ESCO2: variants seen among roughly 807,000 people sequenced by gnomAD.
ESCO2 encodes the protein establishment of sister chromatid cohesion N-acetyltransferase 2, also known as N-acetyltransferase ESCO2.
ESCO2 carries 51 observed loss-of-function variants against 61.7 expected under a neutral mutation model. That is an observed-to-expected ratio of 0.83 (90% CI 0.66 to 1.04). The LOEUF (loss-of-function observed/expected upper bound fraction) is 1.04. ESCO2 is among the 50% of genes least tolerant of loss of function. The pLI is 0.00. For synonymous variants in ESCO2, 230 were observed against 238.2 expected (o/e 0.97, Z 0.32); for missense variants, 692 against 686.2 (o/e 1.01, Z -0.09).
chr8:27,801,908 A>T (rs1256767017), intron 10 of ESCO2, among the ~76,000 whole-genome samples: 1 of 150,194 alleles, frequency 6.7e-6, no homozygotes, highest in Non-Finnish European at 1.5e-5. Flanking sequence ...TATTGATGTA[A>T]TGCTTTTATT....
At chr8:27,810,257 TG>T, downstream of ESCO2, 1 of 1,245,824 alleles carries the variant, frequency 8.0e-7, no homozygotes, top group Admixed American at 1.9e-5. Context: ...GTAAATATTT[TG>T]GAATAAACAG....
chr8:27,774,075 A>G (rs1804719491), upstream of ESCO2, among the ~76,000 whole-genome samples: 1 of 152,262 alleles, frequency 6.6e-6, no homozygotes. Context: ...TTGAAAAATA[A>G]ATAGAAACCT....
chr8:27,776,243 G>A (rs1215219706), intron 2 of ESCO2, 119 bp from the exon 3 acceptor site: 1 of 744,588 alleles, frequency 1.3e-6, no homozygotes, highest in Non-Finnish European at 2.2e-6. Context: ...AAAATTGTGT[G>A]TATGGGGGGT....
chr8:27,811,008 A>G, downstream of ESCO2: 1 of 1,612,694 alleles, frequency 6.2e-7, no homozygotes, highest in African/African-American at 1.3e-5. Flanking sequence ...CGATAAAGTC[A>G]TCATTTCCCA....
chr8:27,772,329 A>T (rs1011111005), upstream of ESCO2, among the ~76,000 whole-genome samples: 1 of 152,138 alleles, frequency 6.6e-6, no homozygotes, highest in Admixed American at 6.5e-5. Context: ...TGACGAGGGG[A>T]CGCCGGGGGA....
chr8:27,819,200 C>G, the ESCO2 span, among the ~76,000 whole-genome samples: 1 of 152,106 alleles, frequency 6.6e-6, no homozygotes, highest in Non-Finnish European at 1.5e-5. Flanking sequence ...AGAGGAACTT[C>G]AGATTAATTC....
chr8:27,776,677 A>C lies in ESCO2; in HGVS notation c.369A>C (p.Thr123=). 1 of 1,613,870 alleles carries C rather than the reference A, an allele frequency of 6.2e-7. No individual in the cohort carries two copies. Among genetic ancestry groups the C allele is most frequent in the Non-Finnish European group, 8.5e-7 (1 of 1,180,024 alleles). The change falls in exon 3 of 11, where the codon ACA becomes ACC. Residue 123 remains threonine (T), a synonymous_variant. Coordinates refer to ENST00000305188, the MANE Select transcript of ESCO2 (RefSeq NM_001017420.3). ...AAGATAAATCTTTTCCCATTGTGACAGAAAAAATGCAAGGAAAACCAGTCT... is the reference window on the plus strand; with the variant it reads ...AAGATAAATCTTTTCCCATTGTGACCGAAAAAATGCAAGGAAAACCAGTCT... ...NDEDKSFPIV[T]EKMQGKPVCS... is the part of the protein sequence containing the mutation.
chr8:27,781,561 CTTT>C (rs67899310), intron 4 of ESCO2, among the ~76,000 whole-genome samples: 2 of 136,524 alleles, frequency 1.5e-5, no homozygotes, highest in Admixed American at 7.4e-5. Flanking sequence ...TTGGTATAGA[CTTT>C]TTTTTTTTTT....
At chr8:27,817,038 TAGAA>T (rs926007155), downstream of ESCO2, among the ~76,000 whole-genome samples, 1 of 152,144 alleles carries the variant, frequency 6.6e-6, no homozygotes. Context: ...ATCTCACAAA[TAGAA>T]AGCCTTTGCC....
downstream of ESCO2, among the ~76,000 whole-genome samples, chr8:27,814,440 G>A (rs1805771722): frequency 6.6e-6 from 1 of 151,934 alleles, no homozygotes; most frequent in African/African-American, 2.4e-5. Context: ...TCTAGATAAA[G>A]CTTTATATAT....
chr8:27,777,053 G>C lies in ESCO2; in HGVS notation c.745G>C (p.Val249Leu), dbSNP rs755441204. The C allele has an allele frequency of 2.5e-6, 4 of 1,608,182 alleles. No individual in the cohort carries two copies. Among genetic ancestry groups the C allele is most frequent in the Non-Finnish European group, 3.4e-6 (4 of 1,178,730 alleles). The stretch of plus-strand genomic sequence containing the variant: ...CATTGAAGATTCTGATGTAGAGACT[G>C]TCAGTGAAAAAAAAACTTTTGCGAC... Reference protein sequence around the residue: ...EVIEDSDVETVSEKKTFATRQ... With the variant: ...EVIEDSDVETLSEKKTFATRQ... Residue 249 changes from valine to leucine, a missense_variant, in exon 3 of 11, where the codon GTC becomes CTC. Physicochemically the swap from Val to Leu is conservative, Grantham distance 32 (BLOSUM62 1). Transcript: ENST00000305188.
At chr8:27,815,170 A>C (rs1049469658), downstream of ESCO2, among the ~76,000 whole-genome samples, 17 of 151,862 alleles carry the variant, frequency 1.1e-4, no homozygotes, top group Non-Finnish European at 1.8e-4. Flanking sequence ...AAAGAGGATG[A>C]AACTAACATT....
chr8:27,796,417 A>G (rs915161394), intron 9 of ESCO2, among the ~76,000 whole-genome samples: 1 of 152,004 alleles, frequency 6.6e-6, no homozygotes, highest in Non-Finnish European at 1.5e-5. Flanking sequence ...TGTTTAATTT[A>G]TCTCCACTGA....
At chr8:27,808,272 CT>C, downstream of ESCO2, 2 of 1,155,448 alleles carry the variant, frequency 1.7e-6, no homozygotes, top group Non-Finnish European at 2.2e-6. Flanking sequence ...TGATTATCTC[CT>C]TTTATGGAGG....
In ESCO2 at chr8:27,775,871, C is replaced by T. The variant is rs12335307; in HGVS notation, c.53+304C>T. ...AGGAAATATACCAAATCAGCTATTA[C>T]CTTTTTCCTTTCTGTTCCCCTATAA... On this transcript the variant is annotated intron_variant, in intron 2 of 10. Transcript: ENST00000305188. 0.14 allele frequency among the ~76,000 whole-genome samples: 21,257 copies of T among 152,062 alleles called. 1,790 individuals are homozygous for T. The highest frequency in any genetic ancestry group is 0.34 in the East Asian group (1,743 of 5,166).
downstream of ESCO2, among the ~76,000 whole-genome samples, chr8:27,813,353 C>T (rs1046858969): frequency 1.1e-4 from 16 of 152,006 alleles, no homozygotes; most frequent in African/African-American, 3.4e-4. Context: ...AGGAGAAATA[C>T]CTAATGTAAA....
rs544648513 is a variant in ESCO2, at chr8:27,803,805, T to G, written c.*367T>G. ...TGACCTGGTCTTTTATAAAGCCCACTCTTAGACCAGGATTATCTAATGCCA... is the reference window on the plus strand; with the variant it reads ...TGACCTGGTCTTTTATAAAGCCCACGCTTAGACCAGGATTATCTAATGCCA... On this transcript the variant is annotated 3_prime_UTR_variant, in exon 11 of 11. Coordinates refer to ENST00000305188, the MANE Select transcript of ESCO2 (RefSeq NM_001017420.3). The G allele has an allele frequency of 6.2e-5, 64 of 1,025,024 alleles. No homozygotes were observed. The East Asian group carries it at 2.3e-3, about 36-fold the overall frequency. The allele number at this position is 1,025,024 out of a possible 1,614,324, so 63.5% of individuals were successfully genotyped here. A position where few individuals can be genotyped will look rare whatever the true frequency, so the allele number is the denominator to read the frequency against.
Position 27,804,185 on chromosome 8 carries a change from G to C in ESCO2, c.*747G>C, listed in dbSNP as rs1344633629. 2 of 985,196 alleles carry C rather than the reference G, an allele frequency of 2.0e-6. No individual in the cohort carries two copies. The highest frequency in any genetic ancestry group is 2.4e-6 in the Non-Finnish European group (2 of 829,856). 61.0% of individuals were successfully genotyped at this position (985,196 alleles called of 1,614,324 possible). A position where few individuals can be genotyped will look rare whatever the true frequency, so the allele number is the denominator to read the frequency against. The stretch of plus-strand genomic sequence containing the variant: ...CATTTCTGTAGAGCAGAATTTGATA[G>C]CTTAGTGTTCAATCTTTTTGAAAAT... On this transcript the variant is annotated 3_prime_UTR_variant, in exon 11 of 11. Coordinates refer to ENST00000305188, the MANE Select transcript of ESCO2 (RefSeq NM_001017420.3).
chr8:27,818,416 G>A, the ESCO2 span, among the ~76,000 whole-genome samples: 1 of 152,142 alleles, frequency 6.6e-6, no homozygotes, highest in Non-Finnish European at 1.5e-5. Context: ...AGATATACAA[G>A]GTTCCCTTCT....
Sources: gnomAD v4.1 joint callset for allele counts (sites outside exome capture counted in the v4.1 genomes callset) on GRCh38, gnomAD v4.1.1 for gene constraint, MANE v1.5 for transcripts, NCBI Gene and HGNC (gene_info 2026-07-23, HGNC 2026-07-21) for gene names.